Variants in ASTN1 observed in about 807,000 individuals in gnomAD.
ASTN1 encodes astrotactin 1, also known as astrotactin-1.
Under a neutral mutation model 140.7 loss-of-function variants are expected in ASTN1, and 41 were observed. The ratio of observed to expected loss-of-function variants is 0.29; its 90% CI spans 0.23 to 0.38. The LOEUF is 0.38. Ranked by LOEUF, ASTN1 falls within the 10% of genes least tolerant of loss-of-function variation. The pLI, the probability that ASTN1 is intolerant of heterozygous loss-of-function variation, is 1.00. For missense variants in ASTN1, 1,479 were observed against 1,678.8 expected, an observed-to-expected ratio of 0.88 and a Z score of 2.08; for synonymous variants, 640 against 652.2, an observed-to-expected ratio of 0.98 and a Z score of 0.29.
In ASTN1 at chr1:176,958,193, C is replaced by A. The variant is rs564044038; in HGVS notation, c.1736+152G>T. ...AATATTGACCCAGATAAAAAGCAGA[C>A]CCTGGCACAACATAGGGGGAATTTG... On this transcript the variant is annotated intron_variant, in intron 10 of 22. Coordinates refer to ENST00000361833, the MANE Select transcript of ASTN1 (RefSeq NM_004319.3). 44 of 1,190,580 alleles carry A rather than the reference C, an allele frequency of 3.7e-5. No individual in the cohort carries two copies. The African/African-American group carries it at 6.0e-4, about 16-fold the overall frequency. 73.8% of individuals were successfully genotyped at this position (1,190,580 alleles called of 1,614,324 possible). A position where few individuals can be genotyped will look rare whatever the true frequency, so the allele number is the denominator to read the frequency against.
intron 16 of ASTN1, among the ~76,000 whole-genome samples, chr1:176,906,500 A>G (rs558171924): frequency 5.2e-4 from 79 of 152,262 alleles, no homozygotes; most frequent in African/African-American, 1.8e-3. Flanking sequence ...CAATGATATG[A>G]TAAGAGGTGT....
chr1:176,874,036 C>CG, intron 21 of ASTN1, among the ~76,000 whole-genome samples: 1 of 152,200 alleles, frequency 6.6e-6, no homozygotes, highest in East Asian at 1.9e-4. Flanking sequence ...CTAATCACCT[C>CG]CCTGATGTCC....
At chr1:176,982,218 T>C (rs1298935123) in intron 8 of ASTN1, among the ~76,000 whole-genome samples, 1 of 152,164 alleles carries the variant, frequency 6.6e-6, no homozygotes, top group African/African-American at 2.4e-5. Context: ...AATTGATTCC[T>C]GTGGGAAAGA....
At chr1:176,909,139 C>A (rs1557951917) in intron 16 of ASTN1, among the ~76,000 whole-genome samples, 1 of 152,280 alleles carries the variant, frequency 6.6e-6, no homozygotes, top group South Asian at 2.1e-4. Context: ...GAGTTGGGTG[C>A]CTGTGCTGGC....
intron 1 of ASTN1, among the ~76,000 whole-genome samples, chr1:177,144,832 C>G (rs974948716): frequency 2.0e-5 from 3 of 152,096 alleles, no homozygotes; most frequent in Non-Finnish European, 4.4e-5. Flanking sequence ...CAGCGATATT[C>G]ACTCCCTGCC....
chr1:176,887,147 C>A (rs1669061898), intron 18 of ASTN1, among the ~76,000 whole-genome samples: 1 of 152,186 alleles, frequency 6.6e-6, no homozygotes. Context: ...TGTTCTGGAG[C>A]ACTCTTTCTA....
intron 1 of ASTN1, among the ~76,000 whole-genome samples, chr1:177,131,820 C>A (rs1312523642): frequency 2.0e-5 from 3 of 152,124 alleles, no homozygotes; most frequent in African/African-American, 7.2e-5. Context: ...CTTTGTCTCA[C>A]AGCAGAAACC....
chr1:177,101,829 C>G (rs974095003), intron 1 of ASTN1, among the ~76,000 whole-genome samples: 4 of 152,194 alleles, frequency 2.6e-5, no homozygotes, highest in African/African-American at 9.6e-5. Context: ...TCCTTCCCTG[C>G]CCTTGTCTTC....
intron 8 of ASTN1, among the ~76,000 whole-genome samples, chr1:176,968,771 T>C (rs574972884): frequency 6.6e-6 from 1 of 152,344 alleles, no homozygotes; most frequent in South Asian, 2.1e-4. Flanking sequence ...AAGAGATTCC[T>C]GCCCTCAAAG....
rs1264565617 is a variant in ASTN1 at position 176,884,506 on chromosome 1, A to G, written c.3075-16T>C. 6.9e-6 allele frequency: 11 copies of G among 1,590,924 alleles called. No individual in the cohort carries two copies. Among genetic ancestry groups the G allele is most frequent in the Non-Finnish European group, 8.6e-6 (10 of 1,161,974 alleles). ...GAGTCTCAGCCTGTGTGCAGACAGG[A>G]AGGAACATGAAACAGGGACACAACT... On this transcript the variant is annotated splice_polypyrimidine_tract_variant and intron_variant, in intron 18 of 22. Transcript: ENST00000361833.
intron 16 of ASTN1, among the ~76,000 whole-genome samples, chr1:176,897,200 G>A (rs1669547766): frequency 6.7e-6 from 1 of 149,578 alleles, no homozygotes; most frequent in Non-Finnish European, 1.5e-5. Context: ...GCTTGAACTC[G>A]GCAGGTGGAG....
At chr1:177,079,994 C>CT (rs1679099988) in intron 1 of ASTN1, among the ~76,000 whole-genome samples, 1 of 152,086 alleles carries the variant, frequency 6.6e-6, no homozygotes, top group South Asian at 2.1e-4. Flanking sequence ...TAATTTTAGA[C>CT]TTTTTACATT....
intron 8 of ASTN1, among the ~76,000 whole-genome samples, chr1:177,011,680 GCACA>G (rs761343211): frequency 6.7e-6 from 1 of 148,626 alleles, no homozygotes; most frequent in African/African-American, 2.5e-5. Context: ...ACACATGCAT[GCACA>G]CACACACATA....
In ASTN1 at chr1:176,868,966, G is replaced by T. The variant is rs756914633; in HGVS notation, c.3525C>A (p.Thr1175=). The T allele has an allele frequency of 5.6e-6, 9 of 1,611,944 alleles. No homozygotes were observed. The highest frequency in any genetic ancestry group is 3.3e-5 in the Admixed American group (2 of 59,910). ...NGYTSGKEQQ[T]AYNTLLDLGS... is the part of the protein sequence containing the mutation. ...CCAGATCCAGGAGGGTGTTGTAGGC[G>T]GTCTGCTGCTCCTTCCCACTAGTGT... The change falls in exon 22 of 23, where the codon ACC becomes ACA. Residue 1175 remains threonine, a synonymous_variant. Coordinates refer to ENST00000361833, the MANE Select transcript of ASTN1 (RefSeq NM_004319.3).
At chr1:176,969,366 G>T (rs147083225) in intron 8 of ASTN1, among the ~76,000 whole-genome samples, 1 of 152,134 alleles carries the variant, frequency 6.6e-6, no homozygotes. Context: ...GAAACACTTT[G>T]TCTCCTCATT....
At chr1:177,057,797 A>G (rs1677886407) in intron 2 of ASTN1, among the ~76,000 whole-genome samples, 1 of 152,196 alleles carries the variant, frequency 6.6e-6, no homozygotes, top group Non-Finnish European at 1.5e-5. Flanking sequence ...AGTGCATTTC[A>G]CTTCTCAATA....
At chr1:176,932,497 C>T (rs574185006) in intron 16 of ASTN1, among the ~76,000 whole-genome samples, 1 of 152,288 alleles carries the variant, frequency 6.6e-6, no homozygotes, top group African/African-American at 2.4e-5. Context: ...AACCCTATAA[C>T]TTAGAGGTAA....
intron 9 of ASTN1, among the ~76,000 whole-genome samples, chr1:176,959,583 C>T (rs1207079832): frequency 6.6e-6 from 1 of 152,084 alleles, no homozygotes; most frequent in Non-Finnish European, 1.5e-5. Flanking sequence ...GACTAGGGCT[C>T]CTGAGTTAGA....
At chr1:177,053,469 G>C (rs974228122) in intron 2 of ASTN1, among the ~76,000 whole-genome samples, 7 of 152,142 alleles carry the variant, frequency 4.6e-5, no homozygotes, top group African/African-American at 1.4e-4. Context: ...GTTCTGCCAA[G>C]GGCCCTCTTC....
Sources: gnomAD v4.1 joint callset for allele counts (sites outside exome capture counted in the v4.1 genomes callset) on GRCh38, gnomAD v4.1.1 for gene constraint, MANE v1.5 for transcripts, NCBI Gene and HGNC (gene_info 2026-07-23, HGNC 2026-07-21) for gene names.